The following TMEM117 variants were observed in gnomAD, a reference collection of about 807,000 sequenced individuals.
The protein encoded by TMEM117 is transmembrane protein 117.
Under a neutral mutation model 52.4 loss-of-function variants are expected in TMEM117, and 27 were observed. The observed-to-expected ratio is 0.51, with a 90% CI of 0.38 to 0.71. The LOEUF (loss-of-function observed/expected upper bound fraction) is 0.71. TMEM117 is among the 30% of genes least tolerant of loss of function. The pLI, the probability that TMEM117 is intolerant of heterozygous loss-of-function variation, is 0.00. For synonymous variants in TMEM117, 215 were observed against 206.3 expected (o/e 1.04, Z -0.36); for missense variants, 556 against 630.5 (o/e 0.88, Z 1.26).
At position 43,859,264 on chromosome 12, in the gene TMEM117, G is replaced by A. The variant is rs114254276; in HGVS notation, c.277+14336G>A. Among the ~76,000 whole-genome samples, 152 of 152,308 alleles carry A rather than the reference G, an allele frequency of 1.0e-3. 1 individual carries two copies. The highest frequency in any genetic ancestry group is 3.5e-3 in the African/African-American group (144 of 41,558). On this transcript the variant is annotated intron_variant, in intron 2 of 7. Transcript: ENST00000266534. ...CTTCCAAGCTGGAGAAGTGGCAAGC[G>A]CAAAGTTGTGGGGAAGGAACGGGCA...
At chr12:44,347,978 C>T (rs1951510800) in intron 6 of TMEM117, among the ~76,000 whole-genome samples, 1 of 152,058 alleles carries the variant, frequency 6.6e-6, no homozygotes, top group East Asian at 2.0e-4. Flanking sequence ...GAAGTATGTG[C>T]TGAAGAGGGT....
intron 5 of TMEM117, among the ~76,000 whole-genome samples, chr12:44,224,124 G>C (rs1213358512): frequency 6.6e-6 from 1 of 151,910 alleles, no homozygotes; most frequent in Non-Finnish European, 1.5e-5. Context: ...ACCTGTCTCT[G>C]CCTTGATTCT....
chr12:44,389,976 G>A (rs1952149542), downstream of TMEM117, among the ~76,000 whole-genome samples: 1 of 151,938 alleles, frequency 6.6e-6, no homozygotes, highest in Admixed American at 6.6e-5. Flanking sequence ...TGACATAGCT[G>A]CATTTTTTCT....
chr12:43,937,645 A>AGGGCT (rs1017458430), intron 2 of TMEM117, among the ~76,000 whole-genome samples: 28 of 152,298 alleles, frequency 1.8e-4, no homozygotes, highest in Admixed American at 7.2e-4. Flanking sequence ...AAAGAACTGA[A>AGGGCT]CGGCTCAGAG....
intron 2 of TMEM117, among the ~76,000 whole-genome samples, chr12:43,911,933 G>C (rs1190338579): frequency 0.013 from 1,712 of 136,920 alleles, 29 homozygotes; most frequent in African/African-American, 0.043. Flanking sequence ...GTGGAAGTCA[G>C]TGTGGCGATT....
intron 4 of TMEM117, among the ~76,000 whole-genome samples, chr12:44,199,099 T>A (rs1329354072): frequency 6.6e-6 from 1 of 152,174 alleles, no homozygotes; most frequent in African/African-American, 2.4e-5. Flanking sequence ...TGGTAACCAG[T>A]GTCTCATCAC....
At chr12:43,944,103 A>T in intron 2 of TMEM117, 107 bp from the exon 3 acceptor site, 1 of 997,842 alleles carries the variant, frequency 1.0e-6, no homozygotes, top group Non-Finnish European at 1.4e-6. Flanking sequence ...CTTATGGCAA[A>T]GACTTCAGAA....
At chr12:44,380,193 C>T (rs1286601539) in intron 7 of TMEM117, among the ~76,000 whole-genome samples, 1 of 152,082 alleles carries the variant, frequency 6.6e-6, no homozygotes, top group Non-Finnish European at 1.5e-5. Flanking sequence ...AATTCAATAG[C>T]AGTGGGATGA....
the TMEM117 span, among the ~76,000 whole-genome samples, chr12:43,823,852 T>C: frequency 6.6e-6 from 1 of 152,200 alleles, no homozygotes; most frequent in South Asian, 2.1e-4. Flanking sequence ...AGTGATTAAA[T>C]TGAAGTACTT....
chr12:44,107,628 C>T (rs928960516), intron 3 of TMEM117, among the ~76,000 whole-genome samples: 5 of 152,026 alleles, frequency 3.3e-5, no homozygotes, highest in South Asian at 2.1e-4. Context: ...TTTAATTTTT[C>T]GACTATTTCT....
intron 3 of TMEM117, among the ~76,000 whole-genome samples, chr12:44,132,037 G>A (rs764918076): frequency 4.6e-5 from 7 of 152,020 alleles, no homozygotes; most frequent in African/African-American, 9.7e-5. Flanking sequence ...CAGGCTGAGC[G>A]ATAAAAAGAT....
the TMEM117 span, among the ~76,000 whole-genome samples, chr12:44,396,709 C>A: frequency 6.6e-6 from 1 of 151,900 alleles, no homozygotes; most frequent in Non-Finnish European, 1.5e-5. Context: ...TAAAAATTAG[C>A]CTGGTGTGGT....
At chr12:44,372,643 C>T (rs529208872) in intron 6 of TMEM117, among the ~76,000 whole-genome samples, 1 of 151,832 alleles carries the variant, frequency 6.6e-6, no homozygotes, top group South Asian at 2.1e-4. Flanking sequence ...TAAAGCCTCT[C>T]ATGGAACTGG....
chr12:44,397,680 G>C, the TMEM117 span, among the ~76,000 whole-genome samples: 16 of 152,154 alleles, frequency 1.1e-4, no homozygotes, highest in African/African-American at 3.6e-4. Flanking sequence ...CAATTGCTTT[G>C]AGTCAATGTT....
chr12:43,828,736 A>G, the TMEM117 span, among the ~76,000 whole-genome samples: 2 of 152,034 alleles, frequency 1.3e-5, no homozygotes, highest in African/African-American at 4.8e-5. Flanking sequence ...ATTCTCAACA[A>G]TCTGTTTTTT....
intron 3 of TMEM117, among the ~76,000 whole-genome samples, chr12:44,051,584 A>G (rs1481698099): frequency 6.6e-6 from 1 of 152,222 alleles, no homozygotes; most frequent in Admixed American, 6.5e-5. Context: ...AAATCAGGCA[A>G]CCATTTAAAG....
chr12:43,982,571 A>G (rs1021127146), intron 3 of TMEM117, among the ~76,000 whole-genome samples: 4 of 152,154 alleles, frequency 2.6e-5, no homozygotes, highest in Non-Finnish European at 5.9e-5. Context: ...CCCTACATAT[A>G]CTTGACAAAT....
chr12:44,206,414 A>G (rs1346320706), intron 4 of TMEM117, among the ~76,000 whole-genome samples: 1 of 152,168 alleles, frequency 6.6e-6, no homozygotes, highest in East Asian at 1.9e-4. Flanking sequence ...GTTTATGGCC[A>G]GTTTCTCATG....
intron 6 of TMEM117, among the ~76,000 whole-genome samples, chr12:44,338,368 A>T (rs1951370374): frequency 6.6e-6 from 1 of 152,126 alleles, no homozygotes; most frequent in Admixed American, 6.6e-5. Context: ...TAAATAAATT[A>T]TATAAATTTG....
Sources: gnomAD v4.1 joint callset for allele counts (sites outside exome capture counted in the v4.1 genomes callset) on GRCh38, gnomAD v4.1.1 for gene constraint, MANE v1.5 for transcripts, NCBI Gene and HGNC (gene_info 2026-07-23, HGNC 2026-07-21) for gene names.